CACNA1E: variants seen among roughly 807,000 people sequenced by gnomAD.
CACNA1E encodes the protein voltage-dependent R-type calcium channel subunit alpha-1E.
A neutral mutation model predicts 259.2 loss-of-function variants in CACNA1E; 40 were observed. The observed-to-expected ratio is 0.15, with a 90% CI of 0.12 to 0.20. The LOEUF (loss-of-function observed/expected upper bound fraction) is 0.20. Ranked by LOEUF, CACNA1E falls within the 10% of genes least tolerant of loss-of-function variation. The pLI is 1.00. For synonymous variants in CACNA1E, 1,104 were observed against 1,138.5 expected (o/e 0.97, Z 0.61); for missense variants, 1,874 against 3,040.1 (o/e 0.62, Z 9.02).
At chr1:181,567,594 ATGT>A (rs1475082313) in intron 3 of CACNA1E, among the ~76,000 whole-genome samples, 4 of 152,188 alleles carry the variant, frequency 2.6e-5, no homozygotes, top group Admixed American at 2.6e-4. Flanking sequence ...GGGCAGCAAG[ATGT>A]TGTTGCTTCA....
chr1:181,703,227 T>C (rs1652452557), intron 7 of CACNA1E, among the ~76,000 whole-genome samples: 1 of 152,254 alleles, frequency 6.6e-6, no homozygotes, highest in African/African-American at 2.4e-5. Flanking sequence ...TGTATTATGA[T>C]ACATTCTCAG....
upstream of CACNA1E, among the ~76,000 whole-genome samples, chr1:181,480,819 A>C (rs1663181708): frequency 6.6e-6 from 1 of 152,226 alleles, no homozygotes; most frequent in Non-Finnish European, 1.5e-5. Flanking sequence ...GTAAAAAGCT[A>C]CATGATTTAT....
intron 3 of CACNA1E, among the ~76,000 whole-genome samples, chr1:181,562,166 A>G (rs974347795): frequency 2.0e-5 from 3 of 152,174 alleles, no homozygotes; most frequent in African/African-American, 7.2e-5. Context: ...ACAACATTGT[A>G]TGTGAAAATA....
upstream of CACNA1E, among the ~76,000 whole-genome samples, chr1:181,481,901 T>TG (rs1002730915): frequency 1.8e-4 from 27 of 151,826 alleles, no homozygotes; most frequent in Admixed American, 1.6e-3. Context: ...GAGTAAAGGA[T>TG]GGGGGGCGGG....
intron 27 of CACNA1E, among the ~76,000 whole-genome samples, chr1:181,752,683 C>G (rs1657700938): frequency 6.6e-6 from 1 of 152,200 alleles, no homozygotes; most frequent in South Asian, 2.1e-4. Flanking sequence ...GCTCTTCTAG[C>G]CCTACCCTTC....
rs905278246 is a variant in CACNA1E at position 181,805,353 on chromosome 1, A to G, written c.*6519A>G. The G allele has an allele frequency of 1.3e-5, 2 of 152,206 alleles. No individual in the cohort carries two copies. The highest frequency in any genetic ancestry group is 6.5e-5 in the Admixed American group (1 of 15,286). The allele number at this position is 152,206 out of a possible 1,614,324, so 9.4% of individuals were successfully genotyped here. On this transcript the variant is annotated 3_prime_UTR_variant, in exon 48 of 48. Coordinates refer to ENST00000367573, the MANE Select transcript of CACNA1E (RefSeq NM_001205293.3). The stretch of plus-strand genomic sequence containing the variant: ...GCACAAGAACCACCACTTAAAGCAA[A>G]TCTGTTGAACATTTTTATAAGGGAT...
At chr1:181,639,876 T>A (rs1657594133) in intron 6 of CACNA1E, among the ~76,000 whole-genome samples, 1 of 151,758 alleles carries the variant, frequency 6.6e-6, no homozygotes, top group African/African-American at 2.4e-5. Context: ...AATCAAGAGA[T>A]GAGTAAAGAG....
At chr1:181,389,364 C>T (rs986015137) in intron 1 of CACNA1E, among the ~76,000 whole-genome samples, 13 of 152,194 alleles carry the variant, frequency 8.5e-5, no homozygotes, top group African/African-American at 3.1e-4. Flanking sequence ...TTCGTGTTAC[C>T]TGTCTGAATT....
At chr1:181,763,301 G>A (rs1658746271) in intron 33 of CACNA1E, 105 bp from the exon 34 acceptor site, 5 of 947,574 alleles carry the variant, frequency 5.3e-6, no homozygotes, top group South Asian at 5.3e-5. Flanking sequence ...GACAGAGACT[G>A]TGTCCCATTT....
At chr1:181,574,658 G>A (rs1478942566) in intron 3 of CACNA1E, among the ~76,000 whole-genome samples, 1 of 152,160 alleles carries the variant, frequency 6.6e-6, no homozygotes, top group African/African-American at 2.4e-5. Flanking sequence ...GATGTGGTTA[G>A]GGCAGTGATG....
intron 1 of CACNA1E, among the ~76,000 whole-genome samples, chr1:181,364,811 G>A (rs988588986): frequency 5.3e-5 from 8 of 152,144 alleles, no homozygotes; most frequent in Non-Finnish European, 1.2e-4. Flanking sequence ...AGTTGCTTTG[G>A]ATCCTCTTGG....
chr1:181,375,254 T>C (rs992914112), intron 1 of CACNA1E, among the ~76,000 whole-genome samples: 5 of 152,226 alleles, frequency 3.3e-5, no homozygotes, highest in Non-Finnish European at 5.9e-5. Context: ...AAATAACACC[T>C]GTGGGAAACA....
intron 7 of CACNA1E, among the ~76,000 whole-genome samples, chr1:181,709,358 A>G (rs1653107697): frequency 1.3e-5 from 2 of 151,400 alleles, no homozygotes; most frequent in Admixed American, 1.3e-4. Flanking sequence ...AGCCAAGCAC[A>G]GGAGAATTTG....
Position 181,739,185 on chromosome 1 carries a change from C to T in CACNA1E, c.3651C>T (p.Tyr1217=). The T allele has an allele frequency of 6.2e-7, 1 of 1,613,816 alleles. No individual in the cohort carries two copies. Among genetic ancestry groups the T allele is most frequent in the Non-Finnish European group, 8.5e-7 (1 of 1,179,688 alleles). The change falls in exon 25 of 48, where the codon TAC becomes TAT. Residue 1217 remains tyrosine, a synonymous_variant. Transcript: ENST00000367573. ...DQGLILQDGS[Y]FRDLWNILDF... ...GCTTGATCCTGCAGGATGGGTCCTA[C>T]TTCCGAGACTTGTGGAACATCCTGG...
At chr1:181,515,218 C>T (rs955772827) in intron 3 of CACNA1E, among the ~76,000 whole-genome samples, 2 of 152,174 alleles carry the variant, frequency 1.3e-5, no homozygotes, top group African/African-American at 2.4e-5. Context: ...AAAGGTGGGG[C>T]TTCACATGTG....
At chr1:181,723,353 TG>T (rs1443354592) in intron 16 of CACNA1E, among the ~76,000 whole-genome samples, 5 of 152,226 alleles carry the variant, frequency 3.3e-5, no homozygotes, top group Admixed American at 3.3e-4. Context: ...TAGTTGTTAT[TG>T]CTATGGGTAG....
chr1:181,711,094 C>A, intron 8 of CACNA1E, 25 bp downstream of exon 8: 3 of 1,501,082 alleles, frequency 2.0e-6, no homozygotes, highest in Non-Finnish European at 1.9e-6. Flanking sequence ...CTGCAGGAGG[C>A]TGGTGAGTGG....
In CACNA1E at chr1:181,623,893, C is replaced by T. The variant is rs551161359; in HGVS notation, c.952-27445C>T. On this transcript the variant is annotated intron_variant, in intron 6 of 47. Transcript: ENST00000367573. ...GGATGACTGTGGCAGTGTCTTAAAA[C>T]GTCTTAGTGTGTTTTTCTTGCTATA... 1.9e-3 allele frequency among the ~76,000 whole-genome samples: 290 copies of T among 152,266 alleles called. 2 individuals are homozygous for T. The Middle Eastern group carries it at 0.031, about 16-fold the overall frequency.
intron 2 of CACNA1E, among the ~76,000 whole-genome samples, chr1:181,426,037 A>G (rs1659165518): frequency 6.6e-6 from 1 of 152,116 alleles, no homozygotes; most frequent in African/African-American, 2.4e-5. Context: ...AGAGGAATTC[A>G]GTAAATTCTC....
Sources: allele counts gnomAD v4.1 joint callset (sites outside exome capture counted in the v4.1 genomes callset), GRCh38; gene constraint gnomAD v4.1.1; transcripts MANE v1.5; gene names NCBI Gene and HGNC (gene_info 2026-07-23, HGNC 2026-07-21).